NELL2: variants seen among roughly 807,000 people sequenced by gnomAD.
NELL2 encodes protein kinase C-binding protein NELL2.
A neutral mutation model predicts 109.6 loss-of-function variants in NELL2; 41 were observed. The ratio of observed to expected loss-of-function variants is 0.37; its 90% CI spans 0.29 to 0.49. The LOEUF is 0.49. Among genes scored for constraint, NELL2 ranks in the 20% least tolerant of loss-of-function variants. The pLI, the probability that NELL2 is intolerant of heterozygous loss-of-function variation, is 0.98. For missense variants in NELL2, 900 were observed against 1,008.3 expected, an observed-to-expected ratio of 0.89 and a Z score of 1.45; for synonymous variants, 355 against 344.7, an observed-to-expected ratio of 1.03 and a Z score of -0.33.
At chr12:44,888,074 G>C (rs374399318) in intron 1 of NELL2, among the ~76,000 whole-genome samples, 16 of 152,102 alleles carry the variant, frequency 1.1e-4, no homozygotes, top group African/African-American at 3.6e-4. Context: ...AATTTTCCCA[G>C]AACCACTCAT....
chr12:44,859,611 A>C (rs1223950475), intron 2 of NELL2, among the ~76,000 whole-genome samples: 1 of 152,202 alleles, frequency 6.6e-6, no homozygotes, highest in Non-Finnish European at 1.5e-5. Context: ...CTCAGTTATC[A>C]GTTAGTACCT....
chr12:44,820,424 T>C (rs1237068210), intron 2 of NELL2, among the ~76,000 whole-genome samples: 1 of 151,882 alleles, frequency 6.6e-6, no homozygotes, highest in Non-Finnish European at 1.5e-5. Context: ...CTGGCTAACA[T>C]GGTGAAACCC....
intron 1 of NELL2, among the ~76,000 whole-genome samples, chr12:44,906,351 A>G (rs1344382164): frequency 6.6e-6 from 1 of 152,128 alleles, no homozygotes; most frequent in Admixed American, 6.6e-5. Flanking sequence ...TTTAAGTGAA[A>G]TGAAATGTCA....
intron 2 of NELL2, among the ~76,000 whole-genome samples, chr12:44,833,204 G>GTTC (rs142053921): frequency 2.8e-4 from 42 of 152,272 alleles, no homozygotes; most frequent in Non-Finnish European, 4.0e-4. Context: ...AAACCTGGGT[G>GTTC]TTCTACAAAG....
chr12:44,572,368 T>A (rs1943907641), intron 15 of NELL2, among the ~76,000 whole-genome samples: 1 of 152,140 alleles, frequency 6.6e-6, no homozygotes, highest in African/African-American at 2.4e-5. Flanking sequence ...GAGACTGGTC[T>A]CAAACTCCTG....
At chr12:44,742,030 CT>C in intron 9 of NELL2, among the ~76,000 whole-genome samples, 1 of 152,182 alleles carries the variant, frequency 6.6e-6, no homozygotes, top group African/African-American at 2.4e-5. Context: ...GGTCCCTGAC[CT>C]CCAAGTAGCC....
intron 13 of NELL2, among the ~76,000 whole-genome samples, chr12:44,660,841 T>C (rs1367183922): frequency 6.6e-6 from 1 of 152,140 alleles, no homozygotes; most frequent in East Asian, 1.9e-4. Flanking sequence ...CTTGATTCTG[T>C]TATAGGTAGT....
At chr12:44,562,256 G>T (rs1218500329) in intron 15 of NELL2, among the ~76,000 whole-genome samples, 1 of 152,166 alleles carries the variant, frequency 6.6e-6, no homozygotes, top group Admixed American at 6.5e-5. Context: ...ATAGGCATGG[G>T]CAAAGATTTC....
intron 9 of NELL2, among the ~76,000 whole-genome samples, chr12:44,732,896 T>C (rs1487330709): frequency 6.6e-6 from 1 of 151,980 alleles, no homozygotes; most frequent in East Asian, 1.9e-4. Context: ...AGGATTTGAA[T>C]AGGCATTTCT....
intron 5 of NELL2, 74 bp from the exon 6 acceptor site, chr12:44,777,388 G>A (rs1382347279): frequency 1.7e-5 from 20 of 1,199,954 alleles, no homozygotes; most frequent in Non-Finnish European, 2.3e-5. Context: ...TCAAGTTCAT[G>A]AAGGAAAATA....
chr12:44,625,096 G>A (rs574465436), intron 13 of NELL2, among the ~76,000 whole-genome samples: 25 of 148,802 alleles, frequency 1.7e-4, no homozygotes, highest in Middle Eastern at 3.5e-3. Flanking sequence ...TTATTTTGGG[G>A]ATAGGAAAGT....
intron 3 of NELL2, among the ~76,000 whole-genome samples, chr12:44,791,523 G>A (rs1942432811): frequency 6.6e-6 from 1 of 151,758 alleles, no homozygotes; most frequent in Admixed American, 6.6e-5. Context: ...TAGGAGACGT[G>A]ATGGTGTCTT....
intron 2 of NELL2, among the ~76,000 whole-genome samples, chr12:44,829,023 G>T (rs1302135026): frequency 3.9e-5 from 6 of 152,134 alleles, no homozygotes; most frequent in African/African-American, 1.4e-4. Flanking sequence ...CTAGTGTGAA[G>T]CAGTCCCTCA....
intron 3 of NELL2, among the ~76,000 whole-genome samples, chr12:44,812,364 C>G (rs1335905952): frequency 6.6e-6 from 1 of 152,116 alleles, no homozygotes; most frequent in Admixed American, 6.6e-5. Context: ...ACCATAAAGT[C>G]CCCTGAACTT....
chr12:44,650,282 C>A (rs914930452), intron 13 of NELL2, among the ~76,000 whole-genome samples: 1 of 146,036 alleles, frequency 6.8e-6, no homozygotes, highest in African/African-American at 2.6e-5. Context: ...AATGTCTTTA[C>A]CTGCCTCCAC....
chr12:44,730,037 T>A (rs1939288421), intron 9 of NELL2, among the ~76,000 whole-genome samples: 2 of 152,102 alleles, frequency 1.3e-5, no homozygotes, highest in African/African-American at 4.8e-5. Flanking sequence ...AACTGTCAAA[T>A]AAGAGATAAA....
At chr12:44,819,637 T>A (rs572499120) in intron 2 of NELL2, among the ~76,000 whole-genome samples, 1 of 152,126 alleles carries the variant, frequency 6.6e-6, no homozygotes, top group Non-Finnish European at 1.5e-5. Context: ...GAGGACTCCA[T>A]CCAGCTTAAA....
At chr12:44,791,447 A>T (rs1942429907) in intron 3 of NELL2, among the ~76,000 whole-genome samples, 1 of 151,104 alleles carries the variant, frequency 6.6e-6, no homozygotes, top group African/African-American at 2.4e-5. Context: ...GAGGGGGCTG[A>T]GGCATAAAAG....
At chr12:44,840,691 G>A (rs1456394658) in intron 2 of NELL2, among the ~76,000 whole-genome samples, 1 of 151,040 alleles carries the variant, frequency 6.6e-6, no homozygotes, top group Non-Finnish European at 1.5e-5. Context: ...AACAAACCCA[G>A]AGTAAGCAAA....
Sources: allele counts gnomAD v4.1 joint callset (sites outside exome capture counted in the v4.1 genomes callset), GRCh38; gene constraint gnomAD v4.1.1; transcripts MANE v1.5; gene names NCBI Gene and HGNC (gene_info 2026-07-23, HGNC 2026-07-21).